Variants in SLIT3 observed in about 807,000 individuals in gnomAD.
SLIT3 encodes the protein slit guidance ligand 3, also known as slit homolog 3 protein.
SLIT3 carries 68 observed loss-of-function variants against 184.0 expected under a neutral mutation model. That is an observed-to-expected ratio of 0.37 (90% CI 0.30 to 0.45). The LOEUF (loss-of-function observed/expected upper bound fraction) is 0.45, where lower values mean the gene tolerates loss of function less well. SLIT3 is among the 20% of genes least tolerant of loss of function. The pLI is 1.00. For synonymous variants in SLIT3, 831 were observed against 828.6 expected, an observed-to-expected ratio of 1.00 and a Z score of -0.05; for missense variants, 1,707 against 2,026.0, an observed-to-expected ratio of 0.84 and a Z score of 3.02.
intron 4 of SLIT3, among the ~76,000 whole-genome samples, chr5:169,186,152 C>G (rs1222505095): frequency 6.6e-6 from 1 of 152,152 alleles, no homozygotes; most frequent in African/African-American, 2.4e-5. Flanking sequence ...ACCCTAATCC[C>G]AATACCTCAG....
intron 33 of SLIT3, among the ~76,000 whole-genome samples, chr5:168,672,394 T>C (rs1258143545): frequency 1.3e-5 from 2 of 152,214 alleles, no homozygotes; most frequent in Non-Finnish European, 1.5e-5. Flanking sequence ...GTAGCTTTTT[T>C]TACACTTAAC....
At chr5:169,207,085 T>C (rs986585244) in intron 3 of SLIT3, among the ~76,000 whole-genome samples, 2 of 151,576 alleles carry the variant, frequency 1.3e-5, no homozygotes, top group African/African-American at 4.9e-5. Context: ...GGGAAGGATT[T>C]CTCAACCCTC....
intron 3 of SLIT3, among the ~76,000 whole-genome samples, chr5:169,237,122 G>C (rs1765228362): frequency 6.6e-6 from 1 of 152,148 alleles, no homozygotes; most frequent in Non-Finnish European, 1.5e-5. Flanking sequence ...TAGTCTTACA[G>C]ACTCCACTCA....
chr5:168,722,661 C>T (rs1166013104), intron 22 of SLIT3, among the ~76,000 whole-genome samples: 1 of 152,196 alleles, frequency 6.6e-6, no homozygotes, highest in African/African-American at 2.4e-5. Context: ...AAAACCATTT[C>T]CGGGAAAGAA....
chr5:169,036,981 T>A (rs1455314474), intron 4 of SLIT3, among the ~76,000 whole-genome samples: 1 of 152,130 alleles, frequency 6.6e-6, no homozygotes, highest in African/African-American at 2.4e-5. Context: ...TAACACCTGC[T>A]CATAGTGGGA....
intron 4 of SLIT3, among the ~76,000 whole-genome samples, chr5:169,164,778 T>C (rs768728994): frequency 2.0e-5 from 3 of 152,252 alleles, no homozygotes; most frequent in Non-Finnish European, 4.4e-5. Context: ...TGCTTTCCAC[T>C]TCAATTAAAC....
chr5:169,133,671 T>C (rs1383876608), intron 4 of SLIT3, among the ~76,000 whole-genome samples: 1 of 152,186 alleles, frequency 6.6e-6, no homozygotes, highest in African/African-American at 2.4e-5. Flanking sequence ...ATTTTGGTGA[T>C]TGTCTGCAAC....
chr5:169,295,785 C>T (rs906119922), intron 1 of SLIT3, among the ~76,000 whole-genome samples: 1 of 152,162 alleles, frequency 6.6e-6, no homozygotes, highest in Non-Finnish European at 1.5e-5. Flanking sequence ...ACAATCAAAA[C>T]GGCAAAAATG....
rs138620027 is a variant in SLIT3, at chr5:169,144,353, T to C, written c.413+49126A>G. 9.4e-4 allele frequency among the ~76,000 whole-genome samples: 143 copies of C among 152,350 alleles called. 4 individuals carry two copies. Among genetic ancestry groups the C allele is most frequent in the African/African-American group, 3.3e-3 (139 of 41,594 alleles). ...GGGCCATCTTTCCTCATTACTGTCA[T>C]GGCCCCTGCTTTACGTTCCCATAGT... On this transcript the variant is annotated intron_variant, in intron 4 of 35. Transcript: ENST00000519560.
chr5:168,961,692 G>A (rs531911578), intron 4 of SLIT3, among the ~76,000 whole-genome samples: 1 of 152,224 alleles, frequency 6.6e-6, no homozygotes, highest in Non-Finnish European at 1.5e-5. Flanking sequence ...AGCAGGATGG[G>A]TTAGTAGAAT....
intron 16 of SLIT3, among the ~76,000 whole-genome samples, chr5:168,755,093 C>G (rs1754846376): frequency 6.6e-6 from 1 of 152,180 alleles, no homozygotes; most frequent in African/African-American, 2.4e-5. Context: ...ACCAACACAA[C>G]CACATCAAAC....
At chr5:168,724,316 C>A (rs1338327804) in intron 21 of SLIT3, 100 bp downstream of exon 21, 11 of 837,220 alleles carry the variant, frequency 1.3e-5, no homozygotes, top group Non-Finnish European at 2.0e-5. Context: ...TTACCACTTG[C>A]ATCAGCCTGC....
chr5:169,124,895 A>G (rs1303944788), intron 4 of SLIT3, among the ~76,000 whole-genome samples: 7 of 152,146 alleles, frequency 4.6e-5, no homozygotes, highest in Non-Finnish European at 7.3e-5. Flanking sequence ...ATATATTTCA[A>G]GCATCCCCTT....
chr5:168,700,098 G>A (rs542212996), intron 27 of SLIT3, among the ~76,000 whole-genome samples: 2 of 152,350 alleles, frequency 1.3e-5, no homozygotes, highest in Admixed American at 1.3e-4. Context: ...GAAGAGCCTT[G>A]AGATCATTCT....
At chr5:168,984,856 T>A (rs1306016393) in intron 4 of SLIT3, among the ~76,000 whole-genome samples, 1 of 152,162 alleles carries the variant, frequency 6.6e-6, no homozygotes. Context: ...AACACCAGAT[T>A]GCTGCTCTCT....
intron 1 of SLIT3, among the ~76,000 whole-genome samples, chr5:169,268,337 AG>A (rs1750566126): frequency 6.6e-6 from 1 of 152,192 alleles, no homozygotes; most frequent in African/African-American, 2.4e-5. Flanking sequence ...AATCAGAGAC[AG>A]GTCTCTGCAG....
At chr5:169,251,499 T>C (rs1561767679) in intron 1 of SLIT3, 40 bp from the exon 2 acceptor site, 7 of 1,368,212 alleles carry the variant, frequency 5.1e-6, no homozygotes, top group Non-Finnish European at 7.3e-6. Context: ...TTTTGTGGGT[T>C]ACAATTACGG....
chr5:169,045,649 T>G (rs1256787347), intron 4 of SLIT3, among the ~76,000 whole-genome samples: 10 of 152,156 alleles, frequency 6.6e-5, no homozygotes, highest in Non-Finnish European at 1.5e-5. Context: ...ATTATCACAT[T>G]TTAAATGCAC....
intron 19 of SLIT3, 67 bp downstream of exon 19, chr5:168,749,405 G>A: frequency 3.2e-6 from 5 of 1,564,112 alleles, no homozygotes; most frequent in South Asian, 1.1e-5. Flanking sequence ...ATCTGATTGT[G>A]CATCTTCGCC....
Sources: gnomAD v4.1 joint callset for allele counts (sites outside exome capture counted in the v4.1 genomes callset) on GRCh38, gnomAD v4.1.1 for gene constraint, MANE v1.5 for transcripts, NCBI Gene and HGNC (gene_info 2026-07-23, HGNC 2026-07-21) for gene names.